Variants in VPS54 observed in about 807,000 individuals in gnomAD.
VPS54 encodes the protein VPS54 subunit of GARP complex, also known as vacuolar protein sorting-associated protein 54.
VPS54 carries 45 observed loss-of-function variants against 121.5 expected under a neutral mutation model. That is an observed-to-expected ratio of 0.37 (90% confidence interval 0.29 to 0.47). The LOEUF (loss-of-function observed/expected upper bound fraction) is 0.47, where lower values mean the gene tolerates loss of function less well. VPS54 is among the 20% of genes least tolerant of loss of function. The pLI is 0.99. For synonymous variants in VPS54, 371 were observed against 385.8 expected, an observed-to-expected ratio of 0.96 and a Z score of 0.45; for missense variants, 1,090 against 1,131.4, an observed-to-expected ratio of 0.96 and a Z score of 0.52.
chr2:63,979,066 A>G (rs181283059), intron 3 of VPS54, among the ~76,000 whole-genome samples: 1 of 152,286 alleles, frequency 6.6e-6, no homozygotes, highest in Admixed American at 6.5e-5. Context: ...ATCTGTAGTG[A>G]TATCACCTTT....
At chr2:63,955,060 A>T (rs1675430820) in intron 7 of VPS54, among the ~76,000 whole-genome samples, 1 of 152,062 alleles carries the variant, frequency 6.6e-6, no homozygotes, top group Admixed American at 6.5e-5. Flanking sequence ...TTAGAGTTAT[A>T]TTTTTAAAAA....
At chr2:63,954,223 T>C (rs931806715) in intron 7 of VPS54, among the ~76,000 whole-genome samples, 3 of 152,214 alleles carry the variant, frequency 2.0e-5, no homozygotes, top group African/African-American at 7.2e-5. Flanking sequence ...GTAAGAAAAC[T>C]GTCAATAACT....
In VPS54 at chr2:63,976,343, CT is replaced by C. The variant is rs1485533940; in HGVS notation, c.379-4100del. On this transcript the variant is annotated intron_variant, in intron 3 of 22. Transcript: ENST00000272322. ...TCCAGCCTGGGCAACAGAGCGTGAC[CT>C]TGTCTCAAAAAAAAAAAAAACAAAA... 2.2e-5 allele frequency among the ~76,000 whole-genome samples: 3 copies of C among 138,082 alleles called. No homozygotes were observed. The East Asian group carries it at 6.0e-4, about 28-fold the overall frequency. The allele number at this position is 138,082 out of a possible 152,430, so 90.6% of individuals were successfully genotyped here.
chr2:63,924,026 G>C lies in VPS54; in HGVS notation c.1740-2691C>G, dbSNP rs570515069. Among the ~76,000 whole-genome samples the C allele has an allele frequency of 1.6e-4, 24 of 152,276 alleles. 1 individual carries two copies. In the South Asian group the frequency reaches 5.0e-3, roughly 32 times the overall value. ...TTTATGTGTCTACTGAACATAGAAAGAACCATCTACAGAACCTATGCTTCA... is the reference window on the plus strand; with the variant it reads ...TTTATGTGTCTACTGAACATAGAAACAACCATCTACAGAACCTATGCTTCA... On this transcript the variant is annotated intron_variant, in intron 12 of 22. Transcript: ENST00000272322.
At chr2:63,987,889 T>C (rs1677126754) in intron 1 of VPS54, among the ~76,000 whole-genome samples, 1 of 152,260 alleles carries the variant, frequency 6.6e-6, no homozygotes, top group Admixed American at 6.5e-5. Flanking sequence ...CCTGCAACTT[T>C]ACTGAATCTA....
At chr2:63,913,871 C>T (rs1022817176) in intron 17 of VPS54, 3 of 1,107,858 alleles carry the variant, frequency 2.7e-6, no homozygotes, top group Non-Finnish European at 3.3e-6. Context: ...CTTCCATGCA[C>T]ATTTGAAGCC....
chr2:63,922,239 G>A (rs1359362082), intron 12 of VPS54, among the ~76,000 whole-genome samples: 3 of 152,088 alleles, frequency 2.0e-5, no homozygotes, highest in African/African-American at 4.8e-5. Context: ...TCCCCCAGGG[G>A]CATATATAAA....
chr2:63,913,896 G>T, intron 17 of VPS54: 1 of 1,148,788 alleles, frequency 8.7e-7, no homozygotes, highest in Non-Finnish European at 1.1e-6. Context: ...CAGGTTTTTT[G>T]ACCTAAGTGG....
chr2:63,893,580 A>G (rs1308283781), intron 22 of VPS54, 45 bp from the exon 23 acceptor site: 3 of 1,535,288 alleles, frequency 2.0e-6, no homozygotes, highest in Admixed American at 3.6e-5. Context: ...CAAACTTTCT[A>G]TTCAGATAAT....
At chr2:63,921,912 C>T (rs1426360045) in intron 12 of VPS54, among the ~76,000 whole-genome samples, 1 of 152,314 alleles carries the variant, frequency 6.6e-6, no homozygotes, top group African/African-American at 2.4e-5. Context: ...AGATTAGGTA[C>T]AAGGTAGTAG....
intron 20 of VPS54, among the ~76,000 whole-genome samples, chr2:63,910,033 T>C (rs1393117943): frequency 2.6e-5 from 4 of 152,146 alleles, no homozygotes; most frequent in African/African-American, 9.7e-5. Context: ...TGGCCACTTA[T>C]TAGCTTCTTA....
At chr2:63,894,413 G>A (rs1672352913) in intron 22 of VPS54, among the ~76,000 whole-genome samples, 1 of 152,166 alleles carries the variant, frequency 6.6e-6, no homozygotes, top group African/African-American at 2.4e-5. Context: ...ATCTATGGCT[G>A]ATTCATGGCC....
At chr2:63,962,943 GTAT>G (rs1343969313) in intron 6 of VPS54, among the ~76,000 whole-genome samples, 2 of 152,046 alleles carry the variant, frequency 1.3e-5, no homozygotes, top group South Asian at 2.1e-4. Flanking sequence ...AATATAGGTA[GTAT>G]TATTATCATT....
intron 22 of VPS54, among the ~76,000 whole-genome samples, chr2:63,896,984 C>T (rs1453219159): frequency 6.6e-6 from 1 of 152,124 alleles, no homozygotes; most frequent in Admixed American, 6.5e-5. Flanking sequence ...CCCAAGTTTT[C>T]AGATTCTAAG....
At chr2:64,005,089 CTTTTTTTTTTTT>C (rs764515091) in intron 1 of VPS54, among the ~76,000 whole-genome samples, 47 of 44,130 alleles carry the variant, frequency 1.1e-3, no homozygotes, top group Admixed American at 1.5e-3. Flanking sequence ...ACTATTGCTT[CTTTTTTTTTTTT>C]TTTTTTTTTT....
intron 1 of VPS54, among the ~76,000 whole-genome samples, chr2:63,990,703 A>C (rs1276565072): frequency 6.6e-6 from 1 of 152,226 alleles, no homozygotes; most frequent in Non-Finnish European, 1.5e-5. Context: ...CTACTCTTGA[A>C]ACTTCAATGC....
chr2:63,960,250 A>G (rs1050507446), intron 7 of VPS54, among the ~76,000 whole-genome samples: 4 of 152,140 alleles, frequency 2.6e-5, no homozygotes, highest in Admixed American at 2.6e-4. Flanking sequence ...AAATAAATAC[A>G]TACGTAAATA....
At chr2:63,949,355 C>T (rs976796009) in intron 7 of VPS54, among the ~76,000 whole-genome samples, 192 bp from the exon 8 acceptor site, 21 of 152,118 alleles carry the variant, frequency 1.4e-4, no homozygotes, top group Non-Finnish European at 2.5e-4. Context: ...TTCCATTTTT[C>T]TCTTTACAGT....
chr2:63,942,565 G>GA lies in VPS54; in HGVS notation c.1302-5dup. The GA allele has an allele frequency of 6.4e-7, 1 of 1,571,822 alleles. No individual in the cohort carries two copies. Among genetic ancestry groups the GA allele is most frequent in the Non-Finnish European group, 8.6e-7 (1 of 1,157,186 alleles). On this transcript the variant is annotated splice_region_variant and splice_polypyrimidine_tract_variant and intron_variant, in intron 10 of 22. Transcript: ENST00000272322. ...CATTCTCATCTGATCTGCAAGCCTA[G>GA]AAAAAAATAATTCAAACAAAAATAA...
Sources: gnomAD v4.1 joint callset for allele counts (sites outside exome capture counted in the v4.1 genomes callset) on GRCh38, gnomAD v4.1.1 for gene constraint, MANE v1.5 for transcripts, NCBI Gene and HGNC (gene_info 2026-07-23, HGNC 2026-07-21) for gene names.